RALGAPA2: variants seen among roughly 807,000 people sequenced by gnomAD.
RALGAPA2 encodes the protein ral GTPase-activating protein subunit alpha-2.
In RALGAPA2, 139 loss-of-function variants were observed where a neutral mutation model predicts 230.4. That is an observed-to-expected ratio of 0.60 (90% confidence interval 0.53 to 0.69). RALGAPA2 has a LOEUF of 0.69. Among genes scored for constraint, RALGAPA2 ranks in the 30% least tolerant of loss-of-function variants. The probability of loss-of-function intolerance (pLI) is 0.00; values close to 1 mark genes in which losing one functional copy is unlikely to be tolerated. For missense variants in RALGAPA2, 2,163 were observed against 2,276.0 expected (o/e 0.95, Z 1.01); for synonymous variants, 847 against 837.8 (o/e 1.01, Z -0.19).
rs370722395 is a variant in RALGAPA2, at chr20:20,601,692, T to G, written c.2193A>C (p.Gln731His). ...GVEKARNIVR[Q>H]KATEVEECQQ... is the part of the protein sequence containing the mutation. The stretch of plus-strand genomic sequence containing the variant: ...TAAATAAATGTTTACCAGTTGCTTT[T>G]TGGCGAACAATATTTCTTGCCTTTT... The change falls in exon 16 of 40, where the codon CAA (glutamine) becomes CAC (histidine). Residue 731 changes from glutamine (Q) to histidine (H), a missense_variant. By Grantham distance (24) the Gln-to-His change is conservative (BLOSUM62 0). Transcript: ENST00000202677. 6 of 1,610,048 alleles carry G rather than the reference T, an allele frequency of 3.7e-6. No individual in the cohort carries two copies. The highest frequency in any genetic ancestry group is 4.2e-6 in the Non-Finnish European group (5 of 1,178,822).
At chr20:20,546,220 CT>C (rs1304897149) in intron 24 of RALGAPA2, among the ~76,000 whole-genome samples, 1 of 152,122 alleles carries the variant, frequency 6.6e-6, no homozygotes, top group African/African-American at 2.4e-5. Context: ...CCAAAGTATT[CT>C]GGCATGTTAT....
chr20:20,424,513 G>A (rs550285928), intron 37 of RALGAPA2, among the ~76,000 whole-genome samples: 1 of 152,312 alleles, frequency 6.6e-6, no homozygotes, highest in South Asian at 2.1e-4. Flanking sequence ...GGGAGTCAAT[G>A]TCACTTGAAC....
At chr20:20,570,476 T>A (rs891308508) in intron 23 of RALGAPA2, among the ~76,000 whole-genome samples, 2 of 152,156 alleles carry the variant, frequency 1.3e-5, no homozygotes, top group Non-Finnish European at 2.9e-5. Flanking sequence ...ATGATTCAAG[T>A]TCATTAATAA....
chr20:20,458,377 C>T (rs2061173240), intron 37 of RALGAPA2, among the ~76,000 whole-genome samples: 1 of 143,518 alleles, frequency 7.0e-6, no homozygotes, highest in Non-Finnish European at 1.5e-5. Flanking sequence ...TCTGTTTGTC[C>T]AAAAAAAATA....
Position 20,583,072 on chromosome 20 carries a change from G to A in RALGAPA2, c.2685C>T (p.Pro895=), listed in dbSNP as rs766682109. 3 of 1,613,198 alleles carry A rather than the reference G, an allele frequency of 1.9e-6. No individual in the cohort carries two copies. The African/African-American group carries it at 4.0e-5, about 22-fold the overall frequency. ...TACCTGTTAAATTTGAAGCATCGGT[G>A]GGACTCAGTTGTAACCAATGACGGG... is the stretch of plus-strand genomic sequence containing the variant. ...ADARHWLQLS[P]TDASNLTDSS... is the part of the protein sequence containing the mutation. Residue 895 remains proline (P), a synonymous_variant, in exon 20 of 40, where the codon CCC becomes CCT. Transcript: ENST00000202677.
At chr20:20,541,555 C>T (rs1418052346) in intron 24 of RALGAPA2, among the ~76,000 whole-genome samples, 1 of 152,108 alleles carries the variant, frequency 6.6e-6, no homozygotes, top group Non-Finnish European at 1.5e-5. Flanking sequence ...GCAGATACCA[C>T]GTGGATCCAC....
At chr20:20,579,195 TTATG>T (rs992841272) in intron 20 of RALGAPA2, among the ~76,000 whole-genome samples, 6 of 152,316 alleles carry the variant, frequency 3.9e-5, no homozygotes, top group East Asian at 1.9e-4. Context: ...TGAAATTGTC[TTATG>T]TATTATTTCT....
At chr20:20,682,704 C>T (rs983867785) in intron 1 of RALGAPA2, among the ~76,000 whole-genome samples, 2 of 152,206 alleles carry the variant, frequency 1.3e-5, no homozygotes, top group African/African-American at 4.8e-5. Context: ...CAGTCTATCT[C>T]GTGAATCATT....
chr20:20,528,900 C>G (rs2063297003), intron 27 of RALGAPA2, among the ~76,000 whole-genome samples: 1 of 152,228 alleles, frequency 6.6e-6, no homozygotes, highest in African/African-American at 2.4e-5. Context: ...CCCACTGCCT[C>G]CTCTTTCTCC....
intron 36 of RALGAPA2, among the ~76,000 whole-genome samples, chr20:20,482,733 T>G (rs1422693674): frequency 6.6e-6 from 1 of 151,954 alleles, no homozygotes; most frequent in African/African-American, 2.4e-5. Flanking sequence ...AAGTCAGAGG[T>G]AGGGCCACAA....
At chr20:20,666,174 A>G (rs2067951497) in intron 3 of RALGAPA2, among the ~76,000 whole-genome samples, 1 of 152,240 alleles carries the variant, frequency 6.6e-6, no homozygotes, top group African/African-American at 2.4e-5. Flanking sequence ...CACTTTGCCA[A>G]CTGGAACTCA....
chr20:20,407,350 C>T (rs575420351), intron 38 of RALGAPA2, among the ~76,000 whole-genome samples: 39 of 152,248 alleles, frequency 2.6e-4, no homozygotes, highest in Non-Finnish European at 3.7e-4. Flanking sequence ...TTTCAATGAG[C>T]GGGGAAACTC....
At chr20:20,495,004 TCAA>T in intron 36 of RALGAPA2, 110 bp downstream of exon 36, 3 of 978,412 alleles carry the variant, frequency 3.1e-6, no homozygotes, top group Non-Finnish European at 4.4e-6. Flanking sequence ...TGTAAGACAT[TCAA>T]CAACTGGATG....
intron 3 of RALGAPA2, among the ~76,000 whole-genome samples, chr20:20,654,596 G>A (rs2067521811): frequency 6.6e-6 from 1 of 152,212 alleles, no homozygotes; most frequent in Non-Finnish European, 1.5e-5. Flanking sequence ...AGGCTGAATA[G>A]TATTTCACTG....
At chr20:20,475,587 G>A (rs1248184577) in intron 36 of RALGAPA2, among the ~76,000 whole-genome samples, 3 of 151,996 alleles carry the variant, frequency 2.0e-5, no homozygotes, top group Non-Finnish European at 4.4e-5. Context: ...GGAATAGAAG[G>A]GAAATGCCTC....
chr20:20,626,297 C>T (rs2066488513), intron 10 of RALGAPA2, among the ~76,000 whole-genome samples: 1 of 152,184 alleles, frequency 6.6e-6, no homozygotes, highest in Non-Finnish European at 1.5e-5. Context: ...CCTCTTTTCC[C>T]AAATGTTTCT....
chr20:20,685,671 G>A (rs541947743), intron 1 of RALGAPA2, among the ~76,000 whole-genome samples: 1 of 152,332 alleles, frequency 6.6e-6, no homozygotes, highest in African/African-American at 2.4e-5. Context: ...CCTTGAGGAT[G>A]AGCAGGAGAG....
chr20:20,623,965 T>A, intron 10 of RALGAPA2, among the ~76,000 whole-genome samples: 1 of 152,154 alleles, frequency 6.6e-6, no homozygotes, highest in East Asian at 1.9e-4. Context: ...AAGTTTTGAC[T>A]CACAAATTCC....
At chr20:20,441,263 G>A (rs1386256915) in intron 37 of RALGAPA2, among the ~76,000 whole-genome samples, 3 of 152,232 alleles carry the variant, frequency 2.0e-5, no homozygotes, top group African/African-American at 7.2e-5. Flanking sequence ...TGTTTCACAT[G>A]AGGACCTTTT....
Sources: gnomAD v4.1 joint callset for allele counts (sites outside exome capture counted in the v4.1 genomes callset) on GRCh38, gnomAD v4.1.1 for gene constraint, MANE v1.5 for transcripts, NCBI Gene and HGNC (gene_info 2026-07-23, HGNC 2026-07-21) for gene names.